Variants in FOXK1 observed in about 807,000 individuals in gnomAD.
The protein encoded by FOXK1 is forkhead box K1, also known as forkhead box protein K1.
In FOXK1, 19 loss-of-function variants were observed where a neutral mutation model predicts 51.9. That is an observed-to-expected ratio of 0.37 (90% confidence interval 0.26 to 0.54). FOXK1 has a LOEUF of 0.54. Among genes scored for constraint, FOXK1 ranks in the 20% least tolerant of loss-of-function variants. FOXK1 has a pLI of 0.87. For missense variants in FOXK1, 870 were observed against 1,032.7 expected, an observed-to-expected ratio of 0.84 and a Z score of 2.16; for synonymous variants, 537 against 482.6, an observed-to-expected ratio of 1.11 and a Z score of -1.48.
rs1051037040 is a variant in FOXK1, at chr7:4,749,516, C to A, written c.747-4943C>A. Among the ~76,000 whole-genome samples, 2 of 152,168 alleles carry A rather than the reference C, an allele frequency of 1.3e-5. No homozygotes were observed. Among genetic ancestry groups the A allele is most frequent in the Admixed American group, 6.5e-5 (1 of 15,282 alleles). On this transcript the variant is annotated intron_variant, in intron 2 of 8. Transcript: ENST00000328914. This position sits in a 1 kb window ranked among gnomAD's most constrained non-coding sequence, Gnocchi z 6.0. ...TTGGGACGCAAAGGTCATCGCAGAC[C>A]CCCGCAGCCTTCTCGCCCCTCCACT...
intron 5 of FOXK1, among the ~76,000 whole-genome samples, chr7:4,757,612 C>T (rs575375889): frequency 5.2e-4 from 54 of 104,648 alleles, no homozygotes; most frequent in Middle Eastern, 0.011. Context: ...GCAGCCTGGG[C>T]GACAAGAGCA....
intron 2 of FOXK1, among the ~76,000 whole-genome samples, chr7:4,741,272 A>G (rs1427979247): frequency 1.3e-5 from 2 of 152,244 alleles, no homozygotes; most frequent in Non-Finnish European, 2.9e-5. Flanking sequence ...TGTTAAAGCA[A>G]GCACAGGTTT....
chr7:4,705,552 T>TCTCTCTCGCTCTCGCTCTCG (rs1554249280), intron 1 of FOXK1, among the ~76,000 whole-genome samples: 121 of 143,624 alleles, frequency 8.4e-4, no homozygotes, highest in Non-Finnish European at 1.2e-3. Flanking sequence ...TCTCTCTCTC[T>TCTCTCTCGCTCTCGCTCTCG]CTCTCTCGCT....
intron 1 of FOXK1, among the ~76,000 whole-genome samples, chr7:4,726,632 A>G (rs1324047002): frequency 1.3e-5 from 2 of 152,002 alleles, no homozygotes; most frequent in Admixed American, 6.6e-5. Context: ...AAAAAAAAAA[A>G]AACCGTGCCT....
chr7:4,715,069 T>G lies in FOXK1; in HGVS notation c.561-25769T>G, dbSNP rs1457574659. Among the ~76,000 whole-genome samples, 1 of 152,292 alleles carries G rather than the reference T, an allele frequency of 6.6e-6. No homozygotes were observed. The highest frequency in any genetic ancestry group is 2.4e-5 in the African/African-American group (1 of 41,570). ...TTGGGGCGTAGCTTTTCTGATCAGATGAGTTTCACGGCTTTAGTACAGAAA... is the reference window on the plus strand; with the variant it reads ...TTGGGGCGTAGCTTTTCTGATCAGAGGAGTTTCACGGCTTTAGTACAGAAA... On this transcript the variant is annotated intron_variant, in intron 1 of 8. Coordinates refer to ENST00000328914, the MANE Select transcript of FOXK1 (RefSeq NM_001037165.2). This position sits in a 1 kb window ranked among gnomAD's most constrained non-coding sequence, Gnocchi z 4.5.
intron 1 of FOXK1, among the ~76,000 whole-genome samples, chr7:4,727,943 CG>C (rs1562380738): frequency 6.6e-6 from 1 of 152,218 alleles, no homozygotes; most frequent in East Asian, 1.9e-4. Flanking sequence ...TGGAGACAGT[CG>C]GTGGCGTGTG....
intron 5 of FOXK1, among the ~76,000 whole-genome samples, chr7:4,757,421 G>T (rs974543087): frequency 3.4e-4 from 52 of 151,848 alleles, no homozygotes; most frequent in African/African-American, 1.2e-3. Context: ...TGAGGTCAGG[G>T]GTTTGAGACC....
chr7:4,687,995 G>C (rs1779842234), intron 1 of FOXK1, among the ~76,000 whole-genome samples: 1 of 152,100 alleles, frequency 6.6e-6, no homozygotes, highest in Non-Finnish European at 1.5e-5. Context: ...GCCTCCTAAA[G>C]TGTTGGGATT....
At position 4,703,805 on chromosome 7, in the gene FOXK1, C is replaced by T. The variant is rs552299019; in HGVS notation, c.560+20937C>T. Among the ~76,000 whole-genome samples, 3 of 151,950 alleles carry T rather than the reference C, an allele frequency of 2.0e-5. No individual in the cohort carries two copies. Among genetic ancestry groups the T allele is most frequent in the Admixed American group, 6.6e-5 (1 of 15,246 alleles). ...AGGTGAAAAGGGAATCGCAGCCTGC[C>T]GAGAGCTTTAGAGAGACTCCCCTAA... On this transcript the variant is annotated intron_variant, in intron 1 of 8. Coordinates refer to ENST00000328914, the MANE Select transcript of FOXK1 (RefSeq NM_001037165.2). The surrounding 1 kb of genome is among the most constrained non-coding windows in gnomAD (Gnocchi z 5.6).
rs376478685 is a variant in FOXK1 at position 4,730,150 on chromosome 7, A to G, written c.561-10688A>G. Among the ~76,000 whole-genome samples the G allele has an allele frequency of 1.8e-4, 28 of 152,318 alleles. No homozygotes were observed. The highest frequency in any genetic ancestry group is 6.5e-4 in the African/African-American group (27 of 41,572). On this transcript the variant is annotated intron_variant, in intron 1 of 8. Transcript: ENST00000328914. The surrounding 1 kb of genome is among the most constrained non-coding windows in gnomAD (Gnocchi z 4.7). Reference sequence around the variant, plus strand: ...GACATGCTTATTTGCCTGATTACAAAAATAGATGCATTCTCCCTATTTAAA... The same window carrying G: ...GACATGCTTATTTGCCTGATTACAAGAATAGATGCATTCTCCCTATTTAAA...
chr7:4,690,157 G>T (rs1779873780), intron 1 of FOXK1, among the ~76,000 whole-genome samples: 1 of 152,204 alleles, frequency 6.6e-6, no homozygotes, highest in Non-Finnish European at 1.5e-5. Context: ...GTGGCCCCAG[G>T]ACTGGAGAGG....
At chr7:4,737,447 T>C (rs572456872) in intron 1 of FOXK1, among the ~76,000 whole-genome samples, 3 of 150,128 alleles carry the variant, frequency 2.0e-5, no homozygotes, top group South Asian at 2.1e-4. Context: ...TGCGTGTGTG[T>C]GCGTGCACGT....
At chr7:4,737,913 G>A (rs562331352) in intron 1 of FOXK1, among the ~76,000 whole-genome samples, 8 of 152,040 alleles carry the variant, frequency 5.3e-5, no homozygotes, top group East Asian at 1.9e-4. Context: ...ACCTGAGGTC[G>A]GGAGTTCCAG....
intron 1 of FOXK1, among the ~76,000 whole-genome samples, chr7:4,724,193 T>G (rs868414002): frequency 2.6e-5 from 4 of 151,672 alleles, no homozygotes; most frequent in African/African-American, 9.7e-5. Flanking sequence ...TGGGGGTGGT[T>G]GTTGTTGTTG....
At chr7:4,690,580 A>G (rs1046345531) in intron 1 of FOXK1, among the ~76,000 whole-genome samples, 15 of 152,260 alleles carry the variant, frequency 9.9e-5, no homozygotes, top group Admixed American at 4.6e-4. Context: ...ATAGAATTTT[A>G]AAAGTCAGTC....
chr7:4,762,245 C>T lies in FOXK1; in HGVS notation c.1983C>T (p.Val661=), dbSNP rs976522619. Residue 661 remains valine, a synonymous_variant, in exon 9 of 9, where the codon GTC becomes GTT. Transcript: ENST00000328914. The surrounding 1 kb of genome is among the most constrained non-coding windows in gnomAD (Gnocchi z 5.7). ...CGAGTTCATCCGCGCCGGTGGTGGT[C>T]ACCCGGGTGTGCGAGGTGGGGCCCA... ...TQASSSAPVV[V]TRVCEVGPKE... 5 of 1,552,868 alleles carry T rather than the reference C, an allele frequency of 3.2e-6. No homozygotes were observed. In the African/African-American group the frequency reaches 5.5e-5, roughly 17 times the overall value.
intron 1 of FOXK1, among the ~76,000 whole-genome samples, chr7:4,705,962 A>C (rs943434070): frequency 7.9e-4 from 84 of 105,876 alleles, no homozygotes; most frequent in Non-Finnish European, 2.1e-4. Flanking sequence ...ATATATATGT[A>C]TATATATATA....
Position 4,707,444 on chromosome 7 carries a change from A to G in FOXK1, c.560+24576A>G, listed in dbSNP as rs1780116866. On this transcript the variant is annotated intron_variant, in intron 1 of 8. Transcript: ENST00000328914. This position sits in a 1 kb window ranked among gnomAD's most constrained non-coding sequence, Gnocchi z 4.1. ...TCTCCCTGGGCGGGCTTTCCGTGTT[A>G]TTAATCTACTTTATGACCCAGTTTC... Among the ~76,000 whole-genome samples the G allele has an allele frequency of 6.6e-6, 1 of 152,200 alleles. No individual in the cohort carries two copies. Among genetic ancestry groups the G allele is most frequent in the Non-Finnish European group, 1.5e-5 (1 of 68,042 alleles).
intron 2 of FOXK1, among the ~76,000 whole-genome samples, chr7:4,752,967 C>T (rs1780798449): frequency 6.6e-6 from 1 of 152,198 alleles, no homozygotes; most frequent in Admixed American, 6.5e-5. Context: ...GGATTCAGAA[C>T]TAAATTCAGA....
Sources: allele counts gnomAD v4.1 joint callset (sites outside exome capture counted in the v4.1 genomes callset), GRCh38; gene constraint gnomAD v4.1.1; non-coding constraint Gnocchi (gnomAD v3.1); transcripts MANE v1.5; gene names NCBI Gene and HGNC (gene_info 2026-07-23, HGNC 2026-07-21).